Variants in ZNF804B observed in about 807,000 individuals in gnomAD.
ZNF804B encodes zinc finger protein 804B.
Under a neutral mutation model 101.4 loss-of-function variants are expected in ZNF804B, and 80 were observed. That is an observed-to-expected ratio of 0.79 (90% confidence interval 0.66 to 0.95). The LOEUF is 0.95. Ranked by LOEUF, ZNF804B falls within the 40% of genes least tolerant of loss-of-function variation. The probability of loss-of-function intolerance (pLI) is 0.00; values close to 1 mark genes in which losing one functional copy is unlikely to be tolerated. For missense variants in ZNF804B, 1,673 were observed against 1,561.9 expected, an observed-to-expected ratio of 1.07 and a Z score of -1.20; for synonymous variants, 622 against 558.8, an observed-to-expected ratio of 1.11 and a Z score of -1.59.
At chr7:89,091,231 AAAAGT>A (rs201549216) in intron 1 of ZNF804B, among the ~76,000 whole-genome samples, 1,528 of 151,874 alleles carry the variant, frequency 0.01, 23 homozygotes, top group African/African-American at 0.035. Flanking sequence ...GGAAAAAAAA[AAAAGT>A]AAAGTCTTTC....
intron 1 of ZNF804B, among the ~76,000 whole-genome samples, chr7:88,975,997 GT>G (rs1002346505): frequency 1.3e-4 from 20 of 151,618 alleles, no homozygotes; most frequent in Non-Finnish European, 2.1e-4. Context: ...TGCATATCCA[GT>G]TTTCCCAGTG....
chr7:89,006,377 C>T (rs1357421022), intron 1 of ZNF804B, among the ~76,000 whole-genome samples: 1 of 151,918 alleles, frequency 6.6e-6, no homozygotes, highest in African/African-American at 2.4e-5. Context: ...TTTAAAACAC[C>T]TCATATTTTA....
intron 1 of ZNF804B, among the ~76,000 whole-genome samples, chr7:88,940,768 A>AAATAATAATAATAATAAT (rs71120045): frequency 2.9e-3 from 398 of 139,484 alleles, no homozygotes; most frequent in South Asian, 6.1e-3. Context: ...ACCCTATTTA[A>AAATAATAATAATAATAAT]AATAATAATA....
chr7:89,296,641 ATTG>A (rs1790388486), intron 2 of ZNF804B, among the ~76,000 whole-genome samples: 1 of 152,032 alleles, frequency 6.6e-6, no homozygotes, highest in Non-Finnish European at 1.5e-5. Context: ...AAACTTTTGA[ATTG>A]TTGTGTGTAG....
chr7:89,195,068 A>G (rs1788524889), intron 1 of ZNF804B, among the ~76,000 whole-genome samples: 1 of 151,672 alleles, frequency 6.6e-6, no homozygotes, highest in Admixed American at 6.6e-5. Flanking sequence ...CCAGCATATA[A>G]ACAGAACCAA....
intron 1 of ZNF804B, among the ~76,000 whole-genome samples, chr7:88,777,738 C>T (rs1790165483): frequency 6.6e-6 from 1 of 151,292 alleles, no homozygotes; most frequent in African/African-American, 2.4e-5. Flanking sequence ...ATCCCAGCTA[C>T]TCTGGAGGCT....
intron 1 of ZNF804B, among the ~76,000 whole-genome samples, chr7:89,084,075 C>T (rs2116316223): frequency 6.6e-6 from 1 of 152,050 alleles, no homozygotes; most frequent in East Asian, 1.9e-4. Context: ...AGCTGTCAAG[C>T]TATCTAAATC....
intron 1 of ZNF804B, among the ~76,000 whole-genome samples, chr7:89,152,407 A>G (rs1044325026): frequency 6.6e-6 from 1 of 152,056 alleles, no homozygotes; most frequent in Non-Finnish European, 1.5e-5. Flanking sequence ...TCAGAAGTTT[A>G]GAAAATTTTT....
At chr7:89,307,495 C>G (rs1379850752) in intron 2 of ZNF804B, among the ~76,000 whole-genome samples, 1 of 151,914 alleles carries the variant, frequency 6.6e-6, no homozygotes, top group Non-Finnish European at 1.5e-5. Flanking sequence ...AACAATGCAG[C>G]TCTTCCCACG....
intron 1 of ZNF804B, among the ~76,000 whole-genome samples, chr7:88,898,155 C>T (rs1455223511): frequency 1.5e-5 from 2 of 131,506 alleles, no homozygotes; most frequent in East Asian, 2.6e-4. Flanking sequence ...GGCGGGATCT[C>T]GGCTCACTGC....
At chr7:89,107,088 C>T (rs1583990130) in intron 1 of ZNF804B, among the ~76,000 whole-genome samples, 1 of 152,058 alleles carries the variant, frequency 6.6e-6, no homozygotes. Flanking sequence ...TGAATGAATT[C>T]TTCAAGAACA....
intron 1 of ZNF804B, among the ~76,000 whole-genome samples, chr7:88,811,267 A>T (rs187592168): frequency 1.3e-4 from 20 of 152,332 alleles, no homozygotes; most frequent in African/African-American, 4.3e-4. Flanking sequence ...AAAGCTCAAC[A>T]TCACTGATCT....
chr7:88,810,205 A>T (rs148004276), intron 1 of ZNF804B, among the ~76,000 whole-genome samples: 3 of 151,752 alleles, frequency 2.0e-5, no homozygotes, highest in Non-Finnish European at 4.4e-5. Flanking sequence ...TCACACAGTC[A>T]TGCTTTTTTT....
intron 1 of ZNF804B, among the ~76,000 whole-genome samples, chr7:88,865,780 G>T (rs1346159776): frequency 6.6e-6 from 1 of 152,058 alleles, no homozygotes; most frequent in African/African-American, 2.4e-5. Flanking sequence ...TCTGCGCCTA[G>T]AGTGATCTTT....
At chr7:89,082,536 TAC>T (rs1326372965) in intron 1 of ZNF804B, among the ~76,000 whole-genome samples, 1 of 151,780 alleles carries the variant, frequency 6.6e-6, no homozygotes, top group Admixed American at 6.6e-5. Flanking sequence ...AAAATTATAT[TAC>T]ACAGTTTGTT....
chr7:88,980,986 T>C (rs1562850206), intron 1 of ZNF804B, among the ~76,000 whole-genome samples: 1 of 152,044 alleles, frequency 6.6e-6, no homozygotes, highest in Non-Finnish European at 1.5e-5. Flanking sequence ...GGAATCTACT[T>C]GGCGCTCTGT....
intron 1 of ZNF804B, among the ~76,000 whole-genome samples, chr7:88,990,325 G>T (rs559658756): frequency 6.6e-6 from 1 of 151,906 alleles, no homozygotes; most frequent in South Asian, 2.1e-4. Context: ...TAAAATAAGT[G>T]GATTGTATCC....
chr7:88,799,532 T>C (rs925503172), intron 1 of ZNF804B, among the ~76,000 whole-genome samples: 1 of 152,100 alleles, frequency 6.6e-6, no homozygotes, highest in Admixed American at 6.6e-5. Context: ...AACCAAAGGA[T>C]ACCTTATGGT....
At chr7:89,169,318 C>A (rs150626707) in intron 1 of ZNF804B, among the ~76,000 whole-genome samples, 1 of 152,126 alleles carries the variant, frequency 6.6e-6, no homozygotes, top group East Asian at 1.9e-4. Flanking sequence ...TTGCCACTCG[C>A]GGCTCGAATG....
Sources: gnomAD v4.1 joint callset for allele counts (sites outside exome capture counted in the v4.1 genomes callset) on GRCh38, gnomAD v4.1.1 for gene constraint, MANE v1.5 for transcripts, NCBI Gene and HGNC (gene_info 2026-07-23, HGNC 2026-07-21) for gene names.